PARP4: variants seen among roughly 807,000 people sequenced by gnomAD.
PARP4 encodes poly(ADP-ribose) polymerase family member 4.
In PARP4, 120 loss-of-function variants were observed where a neutral mutation model predicts 187.7. That is an observed-to-expected ratio of 0.64 (90% confidence interval 0.55 to 0.74). PARP4 has a LOEUF of 0.74. Among genes scored for constraint, PARP4 ranks in the 30% least tolerant of loss-of-function variants. The pLI is 0.00. For synonymous variants in PARP4, 654 were observed against 740.9 expected, an observed-to-expected ratio of 0.88 and a Z score of 1.90; for missense variants, 1,836 against 2,070.5, an observed-to-expected ratio of 0.89 and a Z score of 2.20.
chr13:24,434,405 A>G lies in PARP4; in HGVS notation c.4736T>C (p.Leu1579Pro). 3.2e-6 allele frequency: 5 copies of G among 1,557,804 alleles called. No homozygotes were observed. Among genetic ancestry groups the G allele is most frequent in the Non-Finnish European group, 4.3e-6 (5 of 1,150,142 alleles). Reference sequence around the variant, plus strand: ...AAATAAGACACATACCTCTGTCTGTAGACTGAGGAGTTCTGTCCAAGGCAC... The same window carrying G: ...AAATAAGACACATACCTCTGTCTGTGGACTGAGGAGTTCTGTCCAAGGCAC... ...DAVPWTELLS[L>P]QTEDGFWKLT... The change falls in exon 31 of 34, where the codon CTA becomes CCA. Residue 1579 changes from leucine (L) to proline (P), a missense_variant. Coordinates refer to ENST00000381989, the MANE Select transcript of PARP4 (RefSeq NM_006437.4).
intron 25 of PARP4, 92 bp from the exon 26 acceptor site, chr13:24,447,278 G>C (rs1871264642): frequency 3.6e-6 from 3 of 826,576 alleles, no homozygotes; most frequent in Admixed American, 6.6e-5. Context: ...TCTATCCTTT[G>C]GGAATTTTAT....
At chr13:24,507,591 A>G (rs1357878796) in intron 1 of PARP4, among the ~76,000 whole-genome samples, 1 of 152,214 alleles carries the variant, frequency 6.6e-6, no homozygotes, top group East Asian at 1.9e-4. Context: ...GCCCCAATGT[A>G]TAGAACTTGT....
At chr13:24,505,488 C>T (rs1490716109) in intron 1 of PARP4, among the ~76,000 whole-genome samples, 1 of 152,142 alleles carries the variant, frequency 6.6e-6, no homozygotes, top group East Asian at 1.9e-4. Context: ...TTCAGATAAG[C>T]CTCTGTTGGC....
rs770059787 is a variant in PARP4, at chr13:24,453,641, T to C, written c.2772A>G (p.Leu924=). The C allele has an allele frequency of 2.5e-6, 4 of 1,600,998 alleles. No individual in the cohort carries two copies. Among genetic ancestry groups the C allele is most frequent in the Non-Finnish European group, 3.4e-6 (4 of 1,168,078 alleles). The change falls in exon 23 of 34, where the codon CTA becomes CTG. Residue 924 remains leucine, a synonymous_variant. Transcript: ENST00000381989. ...IIQFGTGYKE[L]FSYPKHITSN... ...TTGTGATATGCTTAGGATACGAAAA[T>C]AGCTCCTTGTAACCTGTGTAATAAG...
At chr13:24,427,423 G>A (rs1026500430) in intron 32 of PARP4, among the ~76,000 whole-genome samples, 1 of 141,174 alleles carries the variant, frequency 7.1e-6, no homozygotes. Context: ...ATGCTGGAGT[G>A]CAGTGGGTGT....
intron 20 of PARP4, among the ~76,000 whole-genome samples, chr13:24,457,793 A>AAAAAAAAAAAG (rs1566000254): frequency 2.7e-5 from 4 of 148,512 alleles, no homozygotes; most frequent in African/African-American, 1.0e-4. Context: ...AAAAAAAAAA[A>AAAAAAAAAAAG]AAAGAAAAAA....
chr13:24,469,094 T>C lies in PARP4; in HGVS notation c.2063A>G (p.Glu688Gly), dbSNP rs1311937396. Residue 688 changes from glutamate (E) to glycine (G), a missense_variant, in exon 17 of 34, where the codon GAA becomes GGA. Glu to Gly is a moderately conservative substitution (Grantham distance 98). Around this residue, in one of 8 missense-constraint regions of PARP4, gnomAD observed 1,147 missense variants for 1,214.2 expected, o/e 0.94. Coordinates refer to ENST00000381989, the MANE Select transcript of PARP4 (RefSeq NM_006437.4). ...HIVGEIKEKE[E>G]AQQEYLEAVT... ...GGCTTCTAGGTACTCTTGCTGGGCTTCTTCCTTCTCTTTAATCTGGAAAAG... is the reference window on the plus strand; with the variant it reads ...GGCTTCTAGGTACTCTTGCTGGGCTCCTTCCTTCTCTTTAATCTGGAAAAG... The C allele has an allele frequency of 6.2e-7, 1 of 1,611,650 alleles. No homozygotes were observed. The highest frequency in any genetic ancestry group is 8.5e-7 in the Non-Finnish European group (1 of 1,177,736).
At chr13:24,424,835 C>T (rs1014674431) in intron 33 of PARP4, among the ~76,000 whole-genome samples, 7 of 125,986 alleles carry the variant, frequency 5.6e-5, no homozygotes, top group South Asian at 2.4e-4. Flanking sequence ...TCACACCTGG[C>T]GAATTTTTTT....
At chr13:24,507,726 CAAATA>C (rs145792389) in intron 1 of PARP4, among the ~76,000 whole-genome samples, 206 of 152,328 alleles carry the variant, frequency 1.4e-3, no homozygotes, top group African/African-American at 4.8e-3. Flanking sequence ...AATTACATTT[CAAATA>C]AAATACAAAT....
intron 17 of PARP4, among the ~76,000 whole-genome samples, chr13:24,462,677 A>T (rs1486695734): frequency 6.6e-6 from 1 of 152,224 alleles, no homozygotes. Flanking sequence ...AATACATATG[A>T]ATAGATGGAA....
chr13:24,512,389 T>A (rs1870060374), intron 1 of PARP4, among the ~76,000 whole-genome samples: 1 of 152,200 alleles, frequency 6.6e-6, no homozygotes, highest in South Asian at 2.1e-4. Flanking sequence ...AAACAACGCG[T>A]GCTACTGCGA....
At chr13:24,438,415 G>C (rs1272977271) in intron 30 of PARP4, among the ~76,000 whole-genome samples, 2 of 152,206 alleles carry the variant, frequency 1.3e-5, no homozygotes, top group South Asian at 4.1e-4. Context: ...TAACAGGCCA[G>C]GGACTGGGGG....
At chr13:24,456,759 G>A (rs1048491136) in intron 20 of PARP4, among the ~76,000 whole-genome samples, 1 of 151,972 alleles carries the variant, frequency 6.6e-6, no homozygotes, top group Non-Finnish European at 1.5e-5. Context: ...AATTAGCTGG[G>A]CGTAATGGTG....
intron 1 of PARP4, among the ~76,000 whole-genome samples, chr13:24,507,554 A>G (rs1472975783): frequency 1.3e-5 from 2 of 152,054 alleles, no homozygotes; most frequent in Non-Finnish European, 2.9e-5. Flanking sequence ...TGCCAGCTGT[A>G]TCTCTTCCAT....
At chr13:24,424,009 T>C (rs1343807236) in intron 33 of PARP4, among the ~76,000 whole-genome samples, 4 of 152,164 alleles carry the variant, frequency 2.6e-5, no homozygotes, top group South Asian at 2.1e-4. Context: ...GGCAGTCTCA[T>C]TGGTTACCTA....
chr13:24,452,690 G>T, intron 23 of PARP4, 97 bp from the exon 24 acceptor site: 1 of 884,692 alleles, frequency 1.1e-6, no homozygotes, highest in Non-Finnish European at 1.7e-6. Context: ...TAGGGATATG[G>T]TGACACCGAA....
chr13:24,479,458 G>A (rs1378993891), intron 12 of PARP4, among the ~76,000 whole-genome samples: 1 of 152,158 alleles, frequency 6.6e-6, no homozygotes, highest in Non-Finnish European at 1.5e-5. Flanking sequence ...TGGTGGGGAC[G>A]TGGAGAACCT....
At chr13:24,511,587 TG>T (rs1432249320) in intron 1 of PARP4, among the ~76,000 whole-genome samples, 1 of 152,188 alleles carries the variant, frequency 6.6e-6, no homozygotes, top group Non-Finnish European at 1.5e-5. Flanking sequence ...TGGAATCAAG[TG>T]GCTTCCTGCT....
At chr13:24,425,569 G>GTATATCTATATC (rs1343575198) in intron 33 of PARP4, among the ~76,000 whole-genome samples, 2,090 of 136,756 alleles carry the variant, frequency 0.015, 29 homozygotes, top group Non-Finnish European at 0.024. Flanking sequence ...GTGTGTGTGT[G>GTATATCTATATC]TATATCTATA....
Sources: allele counts gnomAD v4.1 joint callset (sites outside exome capture counted in the v4.1 genomes callset), GRCh38; gene constraint gnomAD v4.1.1; regional missense constraint gnomAD v4.1.1; transcripts MANE v1.5; gene names NCBI Gene and HGNC (gene_info 2026-07-23, HGNC 2026-07-21).